ARB2A: variants seen among roughly 807,000 people sequenced by gnomAD.
ARB2A encodes the protein ARB2 cotranscriptional regulator A, also known as cotranscriptional regulator ARB2A.
chr5:93,727,175 T>G, the ARB2A span, among the ~76,000 whole-genome samples: 2 of 151,930 alleles, frequency 1.3e-5, no homozygotes, highest in Non-Finnish European at 2.9e-5. Context: ...AAGATTATGG[T>G]TTTTTTGTGG....
At chr5:93,659,267 G>A in the ARB2A span, among the ~76,000 whole-genome samples, 12 of 152,052 alleles carry the variant, frequency 7.9e-5, no homozygotes, top group Non-Finnish European at 1.8e-4. Flanking sequence ...AAACTCTGCT[G>A]TACTTTAATG....
the ARB2A span, among the ~76,000 whole-genome samples, chr5:93,919,541 G>T: frequency 1.3e-5 from 2 of 152,172 alleles, no homozygotes; most frequent in East Asian, 3.8e-4. Context: ...GGAGAGCACG[G>T]TAACATATCT....
chr5:93,931,520 G>C, the ARB2A span, among the ~76,000 whole-genome samples: 1 of 152,122 alleles, frequency 6.6e-6, no homozygotes, highest in East Asian at 1.9e-4. Flanking sequence ...AATGGTCTTT[G>C]GCTGTATCTC....
chr5:93,784,571 A>G, the ARB2A span: 1 of 1,053,486 alleles, frequency 9.5e-7, no homozygotes, highest in Non-Finnish European at 1.4e-6. Flanking sequence ...GCTTAGTCAG[A>G]GATAACAATA....
the ARB2A span, among the ~76,000 whole-genome samples, chr5:93,728,263 A>G: frequency 6.6e-6 from 1 of 152,206 alleles, no homozygotes; most frequent in Non-Finnish European, 1.5e-5. Flanking sequence ...CAGAAGAATT[A>G]TCTTAAGTCA....
At chr5:93,769,019 G>C in the ARB2A span, among the ~76,000 whole-genome samples, 1 of 152,058 alleles carries the variant, frequency 6.6e-6, no homozygotes, top group Non-Finnish European at 1.5e-5. Flanking sequence ...GATATTTTAA[G>C]TTAAAATTTT....
the ARB2A span, among the ~76,000 whole-genome samples, chr5:93,709,363 G>A: frequency 4.1e-4 from 62 of 151,778 alleles, 1 homozygote; most frequent in Admixed American, 2.9e-3. Flanking sequence ...GGCCAGGCGC[G>A]GTGGCTCACA....
chr5:94,044,845 T>C, the ARB2A span, among the ~76,000 whole-genome samples: 11 of 151,936 alleles, frequency 7.2e-5, no homozygotes, highest in African/African-American at 1.9e-4. Context: ...ACCATGACAG[T>C]TTACCAATGC....
chr5:94,092,864 C>A, the ARB2A span, among the ~76,000 whole-genome samples: 1 of 152,078 alleles, frequency 6.6e-6, no homozygotes. Context: ...CCTACAAATA[C>A]CTCAATGTAG....
At chr5:93,789,419 C>G in the ARB2A span, among the ~76,000 whole-genome samples, 2 of 152,240 alleles carry the variant, frequency 1.3e-5, no homozygotes, top group East Asian at 3.9e-4. Flanking sequence ...TAGATTAGCT[C>G]CCTCTAGAGC....
the ARB2A span, among the ~76,000 whole-genome samples, chr5:93,714,747 C>T: frequency 0.8 from 121,732 of 152,038 alleles, 48,971 homozygotes; most frequent in South Asian, 0.83. Flanking sequence ...TATGGCTCCA[C>T]ATAGTCTCCT....
the ARB2A span, chr5:94,050,949 T>C: frequency 1.4e-6 from 1 of 710,260 alleles, no homozygotes; most frequent in East Asian, 3.0e-5. Context: ...CAGTTTATCT[T>C]TTTCATTAGA....
the ARB2A span, among the ~76,000 whole-genome samples, chr5:93,676,597 T>C: frequency 3.0e-4 from 45 of 152,364 alleles, no homozygotes; most frequent in Non-Finnish European, 5.6e-4. Flanking sequence ...TTCACTCATA[T>C]GAACAAATAC....
At chr5:93,758,413 G>A in the ARB2A span, among the ~76,000 whole-genome samples, 9 of 152,108 alleles carry the variant, frequency 5.9e-5, no homozygotes, top group African/African-American at 1.7e-4. Context: ...AGATATATAC[G>A]GAACATTTCA....
chr5:94,027,951 A>C, the ARB2A span, among the ~76,000 whole-genome samples: 3 of 152,160 alleles, frequency 2.0e-5, no homozygotes, highest in Non-Finnish European at 4.4e-5. Flanking sequence ...GAATTGAATT[A>C]GAGGACCCCC....
At chr5:93,632,768 G>A in the ARB2A span, among the ~76,000 whole-genome samples, 2 of 152,044 alleles carry the variant, frequency 1.3e-5, no homozygotes, top group Admixed American at 1.3e-4. Context: ...CACATATAAG[G>A]AATAAAATCA....
the ARB2A span, among the ~76,000 whole-genome samples, chr5:93,990,766 C>T: frequency 6.6e-6 from 1 of 151,426 alleles, no homozygotes; most frequent in Non-Finnish European, 1.5e-5. Flanking sequence ...ATGTATTAAA[C>T]TGTTTCAGAT....
chr5:93,950,959 T>C, the ARB2A span, among the ~76,000 whole-genome samples: 1 of 141,390 alleles, frequency 7.1e-6, no homozygotes, highest in African/African-American at 2.6e-5. Flanking sequence ...AAAAAAAAAA[T>C]AAAATAAAAT....
chr5:93,945,594 TAAAAGA>T, the ARB2A span, among the ~76,000 whole-genome samples: 1 of 152,004 alleles, frequency 6.6e-6, no homozygotes, highest in Non-Finnish European at 1.5e-5. Flanking sequence ...ATGGAATGGT[TAAAAGA>T]AAAAGTAGGC....
Sources: allele counts gnomAD v4.1 joint callset (sites outside exome capture counted in the v4.1 genomes callset), GRCh38; gene constraint gnomAD v4.1.1; transcripts MANE v1.5; gene names NCBI Gene and HGNC (gene_info 2026-07-23, HGNC 2026-07-21).